Variants in C11orf42 observed in about 807,000 individuals in gnomAD.
C11orf42 encodes the protein uncharacterized protein C11orf42.
In C11orf42, 24 loss-of-function variants were observed where a neutral mutation model predicts 27.9. The ratio of observed to expected loss-of-function variants is 0.86; its 90% CI spans 0.62 to 1.21. C11orf42 has a LOEUF of 1.21. Ranked by LOEUF, C11orf42 falls within the 50% of genes most tolerant of loss-of-function variation. The probability of loss-of-function intolerance (pLI) is 0.00; values close to 1 mark genes in which losing one functional copy is unlikely to be tolerated. For synonymous variants in C11orf42, 187 were observed against 180.8 expected (o/e 1.03, Z -0.28); for missense variants, 455 against 424.1 (o/e 1.07, Z -0.64).
chr11:6,210,731 G>A lies in C11orf42; in HGVS notation c.871+83G>A. 6.8e-7 allele frequency: 1 copy of A among 1,465,982 alleles called. No homozygotes were observed. The highest frequency in any genetic ancestry group is 1.4e-5 in the African/African-American group (1 of 71,548). 90.8% of individuals were successfully genotyped at this position (1,465,982 alleles called of 1,614,324 possible). A position where few individuals can be genotyped will look rare whatever the true frequency, so the allele number is the denominator to read the frequency against. On this transcript the variant is annotated intron_variant, in intron 2 of 2. Transcript: ENST00000316375. This position sits in a 1 kb window ranked among gnomAD's most constrained non-coding sequence, Gnocchi z 4.0. ...AAGGCATGAGAATTAAGTATGTGAG[G>A]AATCCATTACTCAGCACAGGGCTCT...
chr11:6,209,864 C>T lies in C11orf42; in HGVS notation c.87C>T (p.His29=). 6.3e-7 allele frequency: 1 copy of T among 1,588,148 alleles called. No homozygotes were observed. The highest frequency in any genetic ancestry group is 8.6e-7 in the Non-Finnish European group (1 of 1,159,916). The part of the protein sequence containing the change: ...TLIKDKVIEE[H]FGPNAVAVPF... The stretch of plus-strand genomic sequence containing the variant: ...GCCACCTGCAGGTCATCGAGGAGCA[C>T]TTTGGGCCCAATGCAGTAGCAGTAC... Residue 29 remains histidine, a synonymous_variant, in exon 2 of 3, where the codon CAC becomes CAT. Coordinates refer to ENST00000316375, the MANE Select transcript of C11orf42 (RefSeq NM_173525.3).
chr11:6,209,419 T>A (rs1157131172), intron 1 of C11orf42, among the ~76,000 whole-genome samples: 1 of 152,162 alleles, frequency 6.6e-6, no homozygotes, highest in African/African-American at 2.4e-5. Flanking sequence ...TTTCACCGAC[T>A]CTTATGCCTG....
rs761530400 is a variant in C11orf42 at position 6,210,315 on chromosome 11, C to G, written c.538C>G (p.Arg180Gly). ...WLQLGLTSTA[R>G]EPQLLRLLRS... ...GCAGCTGGGGCTGACGTCTACAGCCCGTGAGCCCCAGCTCCTCCGGCTACT... is the reference window on the plus strand; with the variant it reads ...GCAGCTGGGGCTGACGTCTACAGCCGGTGAGCCCCAGCTCCTCCGGCTACT... The change falls in exon 2 of 3, where the codon CGT (arginine) becomes GGT (glycine). Residue 180 changes from arginine to glycine, a missense_variant. Transcript: ENST00000316375. The surrounding 1 kb of genome is among the most constrained non-coding windows in gnomAD (Gnocchi z 4.0). 6.2e-7 allele frequency: 1 copy of G among 1,614,188 alleles called. No individual in the cohort carries two copies. The highest frequency in any genetic ancestry group is 1.7e-5 in the Admixed American group (1 of 60,030).
At position 6,205,631 on chromosome 11, in the gene C11orf42, C is replaced by T. The variant is rs745729679; in HGVS notation, c.16C>T (p.Pro6Ser). 9.9e-6 allele frequency: 16 copies of T among 1,613,874 alleles called. No individual in the cohort carries two copies. Among genetic ancestry groups the T allele is most frequent in the Non-Finnish European group, 1.4e-5 (16 of 1,179,858 alleles). The change falls in exon 1 of 3, where the codon CCC becomes TCC. Residue 6 changes from proline to serine, a missense_variant. Coordinates refer to ENST00000316375, the MANE Select transcript of C11orf42 (RefSeq NM_173525.3). MLVGT[P>S]NLLTLDEADA... ...ATACCCCACCATGTTGGTGGGTACC[C>T]CCAACCTGCTGACACTGGATGAAGC...
intron 1 of C11orf42, among the ~76,000 whole-genome samples, chr11:6,208,727 G>A (rs955196499): frequency 3.9e-5 from 6 of 152,092 alleles, no homozygotes; most frequent in African/African-American, 1.4e-4. Flanking sequence ...GTGCACAGCC[G>A]AGGATTCTTT....
At position 6,210,148 on chromosome 11, in the gene C11orf42, G is replaced by A. The variant is rs143672546; in HGVS notation, c.371G>A (p.Arg124His). 3.7e-4 allele frequency: 596 copies of A among 1,614,168 alleles called. 1 individual carries two copies. In the Middle Eastern group the frequency reaches 4.1e-3, roughly 11 times the overall value. ...RMLDGQPCKI[R>H]LHMGDLRKKV... ...TTGGATGGACAGCCCTGCAAGATCC[G>A]CCTACATATGGGTGACCTGCGCAAG... Residue 124 changes from arginine to histidine, a missense_variant, in exon 2 of 3, where the codon CGC (arginine) becomes CAC (histidine). Coordinates refer to ENST00000316375, the MANE Select transcript of C11orf42 (RefSeq NM_173525.3). This position sits in a 1 kb window ranked among gnomAD's most constrained non-coding sequence, Gnocchi z 4.0.
chr11:6,210,709 G>C lies in C11orf42; in HGVS notation c.871+61G>C, dbSNP rs937914236. The C allele has an allele frequency of 8.3e-5, 128 of 1,551,222 alleles. No individual in the cohort carries two copies. The highest frequency in any genetic ancestry group is 1.0e-4 in the Non-Finnish European group (118 of 1,136,202). On this transcript the variant is annotated intron_variant, in intron 2 of 2. Coordinates refer to ENST00000316375, the MANE Select transcript of C11orf42 (RefSeq NM_173525.3). This position sits in a 1 kb window ranked among gnomAD's most constrained non-coding sequence, Gnocchi z 4.0. ...AGGGACAAAGTGAAGGAGGGAGAAG[G>C]CATGAGAATTAAGTATGTGAGGAAT... is the stretch of plus-strand genomic sequence containing the variant.
rs1425456322 is a variant in C11orf42, at chr11:6,206,980, T to C, written c.72+1293T>C. Among the ~76,000 whole-genome samples, 5 of 152,318 alleles carry C rather than the reference T, an allele frequency of 3.3e-5. No homozygotes were observed. In the South Asian group the frequency reaches 6.2e-4, roughly 19 times the overall value. On this transcript the variant is annotated intron_variant, in intron 1 of 2. Coordinates refer to ENST00000316375, the MANE Select transcript of C11orf42 (RefSeq NM_173525.3). ...AACCACGGACAGTTTACTGAACATA[T>C]GGTAAAAACATTTGGCTAAACAGAA...
chr11:6,207,181 T>A lies in C11orf42; in HGVS notation c.72+1494T>A, dbSNP rs368673630. ...AGTAGGAGCACATAGTAGTCTTAAATAGTGATTCTACCAAGAACACAGTCT... is the reference window on the plus strand; with the variant it reads ...AGTAGGAGCACATAGTAGTCTTAAAAAGTGATTCTACCAAGAACACAGTCT... On this transcript the variant is annotated intron_variant, in intron 1 of 2. Transcript: ENST00000316375. Among the ~76,000 whole-genome samples, 13 of 152,184 alleles carry A rather than the reference T, an allele frequency of 8.5e-5. 1 individual carries two copies. Among genetic ancestry groups the A allele is most frequent in the East Asian group, 7.7e-4 (4 of 5,194 alleles).
rs888932664 is a variant in C11orf42, at chr11:6,210,974, C to T, written c.934C>T (p.Pro312Ser). 2 of 1,606,832 alleles carry T rather than the reference C, an allele frequency of 1.2e-6. No individual in the cohort carries two copies. The highest frequency in any genetic ancestry group is 1.7e-6 in the Non-Finnish European group (2 of 1,178,048). The change falls in exon 3 of 3, where the codon CCC becomes TCC. Residue 312 changes from proline to serine, a missense_variant. Transcript: ENST00000316375. The surrounding 1 kb of genome is among the most constrained non-coding windows in gnomAD (Gnocchi z 4.0). ...AGCCCAGGGTGGGGGCCCCAGGGAC[C>T]CCGACGGGCACTCCATGTCCCTGCC... is the stretch of plus-strand genomic sequence containing the variant. ...PGAQGGGPRD[P>S]DGHSMSLPLL...
Position 6,210,702 on chromosome 11 carries a change from G to A in C11orf42, c.871+54G>A, listed in dbSNP as rs1370623173. On this transcript the variant is annotated intron_variant, in intron 2 of 2. Coordinates refer to ENST00000316375, the MANE Select transcript of C11orf42 (RefSeq NM_173525.3). This position sits in a 1 kb window ranked among gnomAD's most constrained non-coding sequence, Gnocchi z 4.0. Reference sequence around the variant, plus strand: ...GGATGGGAGGGACAAAGTGAAGGAGGGAGAAGGCATGAGAATTAAGTATGT... The same window carrying A: ...GGATGGGAGGGACAAAGTGAAGGAGAGAGAAGGCATGAGAATTAAGTATGT... The A allele has an allele frequency of 2.5e-6, 4 of 1,569,068 alleles. No individual in the cohort carries two copies. The highest frequency in any genetic ancestry group is 8.7e-7 in the Non-Finnish European group (1 of 1,148,450).
Position 6,210,321 on chromosome 11 carries a change from C to G in C11orf42, c.544C>G (p.Pro182Ala), listed in dbSNP as rs1373565407. ...QLGLTSTAREPQLLRLLRSLP... is the reference protein window; with the variant it reads ...QLGLTSTAREAQLLRLLRSLP... ...GGGGCTGACGTCTACAGCCCGTGAGCCCCAGCTCCTCCGGCTACTTCGGTC... is the reference window on the plus strand; with the variant it reads ...GGGGCTGACGTCTACAGCCCGTGAGGCCCAGCTCCTCCGGCTACTTCGGTC... The change falls in exon 2 of 3, where the codon CCC becomes GCC. Residue 182 changes from proline to alanine, a missense_variant. Pro to Ala is a conservative substitution (Grantham distance 27). Coordinates refer to ENST00000316375, the MANE Select transcript of C11orf42 (RefSeq NM_173525.3). The surrounding 1 kb of genome is among the most constrained non-coding windows in gnomAD (Gnocchi z 4.0). 1 of 1,614,188 alleles carries G rather than the reference C, an allele frequency of 6.2e-7. No individual in the cohort carries two copies. Among genetic ancestry groups the G allele is most frequent in the East Asian group, 2.2e-5 (1 of 44,880 alleles).
Position 6,210,011 on chromosome 11 carries a change from G to A in C11orf42, c.234G>A (p.Gly78=), listed in dbSNP as rs1847029021. Residue 78 remains glycine, a synonymous_variant, in exon 2 of 3, where the codon GGG becomes GGA. Transcript: ENST00000316375. This position sits in a 1 kb window ranked among gnomAD's most constrained non-coding sequence, Gnocchi z 4.0. ...RQGRRALKPV[G]PLPSLLEQAG... is the part of the protein sequence containing the mutation. ...GCCGGAGGGCACTGAAACCAGTGGG[G>A]CCACTACCAAGCCTCCTGGAGCAGG... 4 of 1,614,052 alleles carry A rather than the reference G, an allele frequency of 2.5e-6. No homozygotes were observed. Among genetic ancestry groups the A allele is most frequent in the South Asian group, 1.1e-5 (1 of 91,086 alleles).
rs1847062424 is a variant in C11orf42, at chr11:6,211,130, A to C, written c.*88A>C. 6.5e-7 allele frequency: 1 copy of C among 1,544,776 alleles called. No homozygotes were observed. The highest frequency in any genetic ancestry group is 2.1e-5 in the Admixed American group (1 of 47,200). ...AATAAACATCAGCTGCTGCTCCCCC[A>C]AACCATCCTGGGCCCATGCTGCTTA... On this transcript the variant is annotated 3_prime_UTR_variant, in exon 3 of 3. Transcript: ENST00000316375.
chr11:6,210,956 G>T lies in C11orf42; in HGVS notation c.916G>T (p.Gly306Cys). ...SPRSPPPGAQ[G>C]GGPRDPDGHS... ...CCGCAGCCCTCCACCAGGAGCCCAG[G>T]GTGGGGGCCCCAGGGACCCCGACGG... The change falls in exon 3 of 3, where the codon GGT becomes TGT. Residue 306 changes from glycine (G) to cysteine (C), a missense_variant. Coordinates refer to ENST00000316375, the MANE Select transcript of C11orf42 (RefSeq NM_173525.3). The surrounding 1 kb of genome is among the most constrained non-coding windows in gnomAD (Gnocchi z 4.0). 1.2e-6 allele frequency: 2 copies of T among 1,608,510 alleles called. No homozygotes were observed. Among genetic ancestry groups the T allele is most frequent in the Non-Finnish European group, 8.5e-7 (1 of 1,178,292 alleles).
chr11:6,211,098 G>A lies in C11orf42; in HGVS notation c.*56G>A, dbSNP rs375538053. On this transcript the variant is annotated 3_prime_UTR_variant, in exon 3 of 3. Coordinates refer to ENST00000316375, the MANE Select transcript of C11orf42 (RefSeq NM_173525.3). Reference sequence around the variant, plus strand: ...CCCCAAGATCTGGCATAGGGGTACTGGTCTCTAATAAACATCAGCTGCTGC... The same window carrying A: ...CCCCAAGATCTGGCATAGGGGTACTAGTCTCTAATAAACATCAGCTGCTGC... 3.1e-6 allele frequency: 5 copies of A among 1,589,574 alleles called. No individual in the cohort carries two copies. Among genetic ancestry groups the A allele is most frequent in the African/African-American group, 1.4e-5 (1 of 72,980 alleles).
In C11orf42 at chr11:6,210,382, T is replaced by C. The variant is rs1046231898; in HGVS notation, c.605T>C (p.Leu202Pro). 2 of 1,614,216 alleles carry C rather than the reference T, an allele frequency of 1.2e-6. No homozygotes were observed. The highest frequency in any genetic ancestry group is 1.7e-6 in the Non-Finnish European group (2 of 1,180,036). Residue 202 changes from leucine to proline, a missense_variant, in exon 2 of 3, where the codon CTG becomes CCG. By Grantham distance (98) the Leu-to-Pro change is moderately conservative. Coordinates refer to ENST00000316375, the MANE Select transcript of C11orf42 (RefSeq NM_173525.3). This position sits in a 1 kb window ranked among gnomAD's most constrained non-coding sequence, Gnocchi z 4.0. Reference protein sequence around the residue: ...PVAFSCLKFSLQSKGVLGPQK... With the variant: ...PVAFSCLKFSPQSKGVLGPQK... Reference sequence around the variant, plus strand: ...GCCTTCTCCTGCCTCAAGTTTTCACTGCAGTCTAAGGGCGTGCTGGGACCA... The same window carrying C: ...GCCTTCTCCTGCCTCAAGTTTTCACCGCAGTCTAAGGGCGTGCTGGGACCA...
In C11orf42 at chr11:6,210,166, T is replaced by C. The variant is rs757158747; in HGVS notation, c.389T>C (p.Leu130Pro). ...AAGATCCGCCTACATATGGGTGACC[T>C]GCGCAAGAAGGTTGCCTTCCTGTTG... is the stretch of plus-strand genomic sequence containing the variant. ...PCKIRLHMGD[L>P]RKKVAFLLLP... is the part of the protein sequence containing the mutation. Residue 130 changes from leucine (L) to proline (P), a missense_variant, in exon 2 of 3, where the codon CTG becomes CCG. Transcript: ENST00000316375. The surrounding 1 kb of genome is among the most constrained non-coding windows in gnomAD (Gnocchi z 4.0). 6.8e-6 allele frequency: 11 copies of C among 1,614,204 alleles called. No individual in the cohort carries two copies. The Admixed American group carries it at 1.7e-4, about 24-fold the overall frequency.
In C11orf42 at chr11:6,210,681, G is replaced by A; in HGVS notation, c.871+33G>A. 1.2e-6 allele frequency: 2 copies of A among 1,600,376 alleles called. No individual in the cohort carries two copies. The highest frequency in any genetic ancestry group is 1.7e-6 in the Non-Finnish European group (2 of 1,170,822). On this transcript the variant is annotated intron_variant, in intron 2 of 2. Coordinates refer to ENST00000316375, the MANE Select transcript of C11orf42 (RefSeq NM_173525.3). The surrounding 1 kb of genome is among the most constrained non-coding windows in gnomAD (Gnocchi z 4.0). ...TAGGGGAAATGATGATGAGATGGAT[G>A]GGAGGGACAAAGTGAAGGAGGGAGA...
Sources: allele counts gnomAD v4.1 joint callset (sites outside exome capture counted in the v4.1 genomes callset), GRCh38; gene constraint gnomAD v4.1.1; non-coding constraint Gnocchi (gnomAD v3.1); transcripts MANE v1.5; gene names NCBI Gene and HGNC (gene_info 2026-07-23, HGNC 2026-07-21).